KAZN: variants seen among roughly 807,000 people sequenced by gnomAD.
KAZN encodes the protein kazrin, periplakin interacting protein.
KAZN carries 40 observed loss-of-function variants against 87.4 expected under a neutral mutation model. That is an observed-to-expected ratio of 0.46 (90% CI 0.36 to 0.60). The LOEUF is 0.60. Ranked by LOEUF, KAZN falls within the 20% of genes least tolerant of loss-of-function variation. The pLI is 0.00. For synonymous variants in KAZN, 466 were observed against 458.3 expected (o/e 1.02, Z -0.22); for missense variants, 898 against 1,073.9 (o/e 0.84, Z 2.29).
intron 2 of KAZN, among the ~76,000 whole-genome samples, chr1:14,305,668 G>C (rs368377228): frequency 0.019 from 2,887 of 149,714 alleles, 98 homozygotes; most frequent in African/African-American, 0.068. Flanking sequence ...TTTTTTTTTT[G>C]TTTTCTTTTT....
intron 2 of KAZN, among the ~76,000 whole-genome samples, chr1:14,344,628 T>C (rs915662336): frequency 3.9e-5 from 6 of 152,164 alleles, no homozygotes. Context: ...ATAAATGCTA[T>C]GGAAGAACAA....
intron 1 of KAZN, among the ~76,000 whole-genome samples, chr1:14,103,539 T>G (rs529543653): frequency 3.0e-4 from 46 of 152,326 alleles, no homozygotes; most frequent in African/African-American, 1.1e-3. Context: ...CCATGGGCAC[T>G]GGATAGAGTC....
intron 2 of KAZN, among the ~76,000 whole-genome samples, chr1:14,370,663 G>A (rs1380358073): frequency 6.6e-6 from 1 of 152,140 alleles, no homozygotes; most frequent in Non-Finnish European, 1.5e-5. Flanking sequence ...AGGTTTCTTT[G>A]GAGAGTCATG....
intron 1 of KAZN, among the ~76,000 whole-genome samples, chr1:13,902,576 C>A (rs1441985353): frequency 1.3e-5 from 2 of 152,106 alleles, no homozygotes; most frequent in East Asian, 3.8e-4. Flanking sequence ...TAAAAAGAGG[C>A]TGATGAATGG....
intron 1 of KAZN, among the ~76,000 whole-genome samples, chr1:14,730,239 A>G (rs1278304113): frequency 6.6e-6 from 1 of 152,126 alleles, no homozygotes; most frequent in Non-Finnish European, 1.5e-5. Context: ...ACGTGCCACC[A>G]TGCCCAGCTA....
intron 1 of KAZN, among the ~76,000 whole-genome samples, chr1:13,945,679 T>TG (rs1553177121): frequency 0.13 from 15,713 of 123,432 alleles, 1,174 homozygotes; most frequent in Middle Eastern, 0.2. Context: ...TGCTCTCAGT[T>TG]TGTGTGTGTG....
intron 2 of KAZN, among the ~76,000 whole-genome samples, chr1:14,465,593 A>G (rs2480051): frequency 0.027 from 4,146 of 152,110 alleles, 75 homozygotes; most frequent in Middle Eastern, 0.065. Context: ...CAAATCACAA[A>G]GCCTCTTGAG....
At chr1:14,076,985 AT>A (rs1440674894) in intron 1 of KAZN, among the ~76,000 whole-genome samples, 1 of 152,076 alleles carries the variant, frequency 6.6e-6, no homozygotes, top group Non-Finnish European at 1.5e-5. Flanking sequence ...GGTGTGATTG[AT>A]TCATACACGT....
chr1:14,880,117 C>G (rs1653181422), intron 1 of KAZN, among the ~76,000 whole-genome samples: 2 of 152,224 alleles, frequency 1.3e-5, no homozygotes, highest in African/African-American at 2.4e-5. Flanking sequence ...ATGAAGGATG[C>G]AGGGACTGGA....
chr1:14,564,840 T>TA (rs1291634736), intron 2 of KAZN, among the ~76,000 whole-genome samples: 4 of 151,722 alleles, frequency 2.6e-5, no homozygotes, highest in Admixed American at 1.3e-4. Context: ...TAAAGTAAAA[T>TA]AAAAATAAAG....
intron 2 of KAZN, among the ~76,000 whole-genome samples, chr1:14,199,118 C>G (rs949446418): frequency 6.6e-6 from 1 of 152,158 alleles, no homozygotes; most frequent in Non-Finnish European, 1.5e-5. Context: ...ATCTGGGGTA[C>G]TCCTTACTGA....
At chr1:14,141,040 C>G (rs945957608) in intron 1 of KAZN, among the ~76,000 whole-genome samples, 1 of 152,050 alleles carries the variant, frequency 6.6e-6, no homozygotes, top group Non-Finnish European at 1.5e-5. Context: ...CTGGAGGAAC[C>G]ATGCCAAGAA....
intron 1 of KAZN, among the ~76,000 whole-genome samples, chr1:14,734,896 G>A (rs894114400): frequency 6.6e-6 from 1 of 152,128 alleles, no homozygotes; most frequent in African/African-American, 2.4e-5. Context: ...TTTTAGTTCC[G>A]CCTCCTTTTA....
At chr1:14,165,764 T>C (rs561712401) in intron 1 of KAZN, among the ~76,000 whole-genome samples, 2 of 152,352 alleles carry the variant, frequency 1.3e-5, no homozygotes, top group East Asian at 3.9e-4. Context: ...CTTGAAATCT[T>C]TGGCTCTGAC....
chr1:14,795,657 C>T (rs183124364), intron 1 of KAZN, among the ~76,000 whole-genome samples: 1 of 152,302 alleles, frequency 6.6e-6, no homozygotes, highest in East Asian at 1.9e-4. Context: ...CCTGTGGGAT[C>T]TGGCTCTCAC....
intron 2 of KAZN, among the ~76,000 whole-genome samples, chr1:14,373,452 T>G (rs1324045268): frequency 6.6e-6 from 1 of 152,168 alleles, no homozygotes; most frequent in Non-Finnish European, 1.5e-5. Context: ...TTCAACCTTC[T>G]TCTGCCTTTT....
At chr1:14,954,164 G>T (rs1195303340) in intron 1 of KAZN, among the ~76,000 whole-genome samples, 1 of 152,198 alleles carries the variant, frequency 6.6e-6, no homozygotes, top group Non-Finnish European at 1.5e-5. Context: ...AGCACCATTG[G>T]TAACAGTTGG....
At chr1:14,410,301 CA>C (rs760343921) in intron 2 of KAZN, among the ~76,000 whole-genome samples, 2 of 152,266 alleles carry the variant, frequency 1.3e-5, no homozygotes, top group Non-Finnish European at 2.9e-5. Context: ...ACAGTTTCAC[CA>C]TGTTGGCTAG....
intron 1 of KAZN, among the ~76,000 whole-genome samples, chr1:14,792,707 A>G (rs1425807371): frequency 6.6e-6 from 1 of 152,112 alleles, no homozygotes; most frequent in Non-Finnish European, 1.5e-5. Flanking sequence ...GCTGGGCGCA[A>G]TGGCTCATGC....
Sources: allele counts gnomAD v4.1 joint callset (sites outside exome capture counted in the v4.1 genomes callset), GRCh38; gene constraint gnomAD v4.1.1; transcripts MANE v1.5; gene names NCBI Gene and HGNC (gene_info 2026-07-23, HGNC 2026-07-21).